Variants in SLC4A8 observed in about 807,000 individuals in gnomAD.
SLC4A8 encodes electroneutral sodium bicarbonate exchanger 1.
SLC4A8 carries 40 observed loss-of-function variants against 125.0 expected under a neutral mutation model. The observed-to-expected ratio is 0.32, with a 90% CI of 0.25 to 0.42. SLC4A8 has a LOEUF of 0.42. SLC4A8 is among the 10% of genes least tolerant of loss of function. SLC4A8 has a pLI of 1.00. For missense variants in SLC4A8, 863 were observed against 1,355.1 expected (o/e 0.64, Z 5.70); for synonymous variants, 456 against 476.0 (o/e 0.96, Z 0.55).
intron 19 of SLC4A8, among the ~76,000 whole-genome samples, chr12:51,491,977 A>G (rs544417699): frequency 6.6e-6 from 1 of 152,324 alleles, no homozygotes; most frequent in South Asian, 2.1e-4. Flanking sequence ...TAAAGAGTGA[A>G]TAGGAGATAA....
chr12:51,439,612 A>G (rs1364085599), intron 1 of SLC4A8, among the ~76,000 whole-genome samples: 1 of 140,302 alleles, frequency 7.1e-6, no homozygotes, highest in African/African-American at 2.6e-5. Flanking sequence ...TTCCAGAACT[A>G]AAAAAAAAAA....
intron 22 of SLC4A8, among the ~76,000 whole-genome samples, chr12:51,499,889 G>T (rs192202242): frequency 2.0e-5 from 3 of 152,288 alleles, no homozygotes; most frequent in South Asian, 4.1e-4. Flanking sequence ...CACCAAGAAA[G>T]CCAGTAAGAC....
chr12:51,490,392 A>T (rs1403379366), intron 19 of SLC4A8, among the ~76,000 whole-genome samples: 1 of 151,840 alleles, frequency 6.6e-6, no homozygotes, highest in African/African-American at 2.4e-5. Flanking sequence ...CGTCTCTACT[A>T]AAAATACAAA....
rs1433741635 is a variant in SLC4A8 at position 51,497,124 on chromosome 12, G to A, written c.3081G>A (p.Glu1027=). The A allele has an allele frequency of 2.5e-6, 4 of 1,610,876 alleles. No individual in the cohort carries two copies. The highest frequency in any genetic ancestry group is 3.4e-5 in the Admixed American group (2 of 59,186). ...CCAAAAAGAAGGCCAAGGAGGAAGA[G>A]GTCATAGTCCTTGCACCAACTGTAT... ...DDAKKKAKEE[E]EAEKMLEIGG... is the part of the protein sequence containing the mutation. The change falls in exon 22 of 25, where the codon GAG becomes GAA. Residue 1027 remains glutamate (E), a splice_region_variant and synonymous_variant. Transcript: ENST00000453097.
chr12:51,467,191 A>C (rs1351308695), intron 11 of SLC4A8, among the ~76,000 whole-genome samples: 1 of 152,210 alleles, frequency 6.6e-6, no homozygotes, highest in Non-Finnish European at 1.5e-5. Context: ...AAAGCAAGAC[A>C]AAGTGACACT....
At chr12:51,400,762 AT>A (rs1948363999) in intron 1 of SLC4A8, among the ~76,000 whole-genome samples, 1 of 3,838 alleles carries the variant, frequency 2.6e-4, no homozygotes. Flanking sequence ...ATATATATAT[AT>A]ATATATATAT....
chr12:51,413,598 G>A (rs4761963), intron 1 of SLC4A8, among the ~76,000 whole-genome samples: 59,473 of 151,996 alleles, frequency 0.39, 12,225 homozygotes, highest in Non-Finnish European at 0.45. Context: ...TTTGTATATG[G>A]TAAAAGATAG....
At chr12:51,436,687 C>T (rs1200100805) in intron 1 of SLC4A8, among the ~76,000 whole-genome samples, 2 of 152,042 alleles carry the variant, frequency 1.3e-5, no homozygotes, top group Admixed American at 6.5e-5. Flanking sequence ...AGTGCAATGG[C>T]GTAATCTTGG....
At chr12:51,403,524 C>T (rs1796165382) in intron 1 of SLC4A8, among the ~76,000 whole-genome samples, 1 of 152,174 alleles carries the variant, frequency 6.6e-6, no homozygotes, top group African/African-American at 2.4e-5. Flanking sequence ...AACAAGGGTA[C>T]ATTTAGGTGG....
intron 16 of SLC4A8, among the ~76,000 whole-genome samples, chr12:51,475,429 A>T (rs1439434441): frequency 6.6e-6 from 1 of 152,228 alleles, no homozygotes; most frequent in African/African-American, 2.4e-5. Context: ...TACAAGTGCC[A>T]GTTAAGGTTA....
Position 51,460,195 on chromosome 12 carries a change from T to C in SLC4A8, c.1013+87T>C. 1.6e-5 allele frequency: 17 copies of C among 1,060,564 alleles called. 1 individual carries two copies. In the South Asian group the frequency reaches 2.2e-4, roughly 14 times the overall value. 65.7% of individuals were successfully genotyped at this position (1,060,564 alleles called of 1,614,324 possible). Reference sequence around the variant, plus strand: ...GAAGAAACCACTTAATACTGAAATTTAGAATTAATTAATTTTAGGAATGGT... The same window carrying C: ...GAAGAAACCACTTAATACTGAAATTCAGAATTAATTAATTTTAGGAATGGT... On this transcript the variant is annotated intron_variant, in intron 8 of 24. Coordinates refer to ENST00000453097, the MANE Select transcript of SLC4A8 (RefSeq NM_001039960.3).
chr12:51,470,373 T>A lies in SLC4A8; in HGVS notation c.1525-19T>A. On this transcript the variant is annotated intron_variant, in intron 12 of 24. Transcript: ENST00000453097. The stretch of plus-strand genomic sequence containing the variant: ...TACTGATGGGCTATGGACTCAGTGA[T>A]GACTTTTTTTCCTCTCAGAGTGCAA... 1 of 1,613,184 alleles carries A rather than the reference T, an allele frequency of 6.2e-7. No homozygotes were observed. The highest frequency in any genetic ancestry group is 8.5e-7 in the Non-Finnish European group (1 of 1,179,214).
chr12:51,448,760 T>A (rs1043319708), intron 2 of SLC4A8, among the ~76,000 whole-genome samples: 1 of 152,062 alleles, frequency 6.6e-6, no homozygotes, highest in Non-Finnish European at 1.5e-5. Flanking sequence ...ATTTGGTGAA[T>A]GAGTGGTGTG....
chr12:51,424,053 A>C (rs924620341), upstream of SLC4A8, among the ~76,000 whole-genome samples: 7 of 42,576 alleles, frequency 1.6e-4, no homozygotes, highest in African/African-American at 2.8e-4. Context: ...AAAAAAAAAA[A>C]CAAAAAAAAC....
Position 51,495,076 on chromosome 12 carries a change from G to C in SLC4A8, c.2901G>C (p.Trp967Cys). Residue 967 changes from tryptophan to cysteine, a missense_variant, in exon 21 of 25, where the codon TGG (tryptophan) becomes TGC (cysteine). Transcript: ENST00000453097. The part of the protein sequence containing the change: ...LIQLTCLVLL[W>C]VIKASPAAIV... The stretch of plus-strand genomic sequence containing the variant: ...AGTTGACCTGTCTCGTCCTGCTCTG[G>C]GTCATCAAGGCATCTCCAGCTGCCA... The C allele has an allele frequency of 6.2e-7, 1 of 1,613,346 alleles. No individual in the cohort carries two copies. Among genetic ancestry groups the C allele is most frequent in the Non-Finnish European group, 8.5e-7 (1 of 1,179,494 alleles).
upstream of SLC4A8, chr12:51,421,996 G>C (rs913138391): frequency 1.3e-5 from 2 of 152,172 alleles, no homozygotes; most frequent in African/African-American, 4.8e-5. Context: ...CCACTTGATT[G>C]TAAGGCTTAT....
At chr12:51,461,399 A>G (rs1163747239) in intron 9 of SLC4A8, 108 bp downstream of exon 9, 2 of 703,368 alleles carry the variant, frequency 2.8e-6, no homozygotes, top group Non-Finnish European at 5.1e-6. Flanking sequence ...TTCCATTGCA[A>G]TATCTGCTGG....
intron 19 of SLC4A8, among the ~76,000 whole-genome samples, chr12:51,490,208 G>A (rs990772457): frequency 6.6e-6 from 1 of 152,068 alleles, no homozygotes; most frequent in African/African-American, 2.4e-5. Context: ...GAACTGAGAG[G>A]GGTCTATTTT....
rs1950314261 is a variant in SLC4A8, at chr12:51,461,236, A to G, written c.1046A>G (p.Lys349Arg). The G allele has an allele frequency of 6.2e-7, 1 of 1,612,768 alleles. No individual in the cohort carries two copies. Among genetic ancestry groups the G allele is most frequent in the Non-Finnish European group, 8.5e-7 (1 of 1,178,990 alleles). ...FLFILLGPVG[K>R]GQQYHEIGRS... ...TTTATCTTATTGGGTCCAGTAGGGA[A>G]AGGTCAGCAGTACCATGAGATTGGC... The change falls in exon 9 of 25, where the codon AAA (lysine) becomes AGA (arginine). Residue 349 changes from lysine (K) to arginine (R), a missense_variant. Coordinates refer to ENST00000453097, the MANE Select transcript of SLC4A8 (RefSeq NM_001039960.3).
Sources: allele counts gnomAD v4.1 joint callset (sites outside exome capture counted in the v4.1 genomes callset), GRCh38; gene constraint gnomAD v4.1.1; transcripts MANE v1.5; gene names NCBI Gene and HGNC (gene_info 2026-07-23, HGNC 2026-07-21).